Variants in KNTC1 observed in about 807,000 individuals in gnomAD.
KNTC1 encodes kinetochore associated 1.
A neutral mutation model predicts 314.4 loss-of-function variants in KNTC1; 253 were observed. The ratio of observed to expected loss-of-function variants is 0.80; its 90% CI spans 0.73 to 0.89. The LOEUF is 0.89. Among genes scored for constraint, KNTC1 ranks in the 40% least tolerant of loss-of-function variants. The probability of loss-of-function intolerance (pLI) is 0.00; values close to 1 mark genes in which losing one functional copy is unlikely to be tolerated. For missense variants in KNTC1, 2,475 were observed against 2,572.9 expected, an observed-to-expected ratio of 0.96 and a Z score of 0.82; for synonymous variants, 901 against 901.4, an observed-to-expected ratio of 1.00 and a Z score of 0.01.
chr12:122,585,335 C>T (rs1448993129), intron 36 of KNTC1, among the ~76,000 whole-genome samples: 2 of 152,156 alleles, frequency 1.3e-5, no homozygotes, highest in African/African-American at 4.8e-5. Flanking sequence ...AGCCACTGCA[C>T]CTGGGCCGTT....
chr12:122,567,596 T>C (rs1964430186), intron 20 of KNTC1, among the ~76,000 whole-genome samples: 1 of 152,090 alleles, frequency 6.6e-6, no homozygotes, highest in African/African-American at 2.4e-5. Context: ...CGCAACACTT[T>C]GGGAGGCTGA....
At chr12:122,540,045 A>C (rs1158593105) in intron 5 of KNTC1, among the ~76,000 whole-genome samples, 2 of 151,872 alleles carry the variant, frequency 1.3e-5, no homozygotes, top group Non-Finnish European at 2.9e-5. Flanking sequence ...CGGCCTCCCA[A>C]AGTGCTGGGA....
In KNTC1 at chr12:122,591,515, CAA is replaced by C. The variant is rs1195499460; in HGVS notation, c.4245+64_4245+65del. On this transcript the variant is annotated intron_variant, in intron 42 of 63. Coordinates refer to ENST00000333479, the MANE Select transcript of KNTC1 (RefSeq NM_014708.6). ...AATTACCCGGTTGGAAAATTTAAAA[CAA>C]AGATTCTGTTGTTCTTTACTTTTGG... 11 of 879,120 alleles carry C rather than the reference CAA, an allele frequency of 1.3e-5. No individual in the cohort carries two copies. In the African/African-American group the frequency reaches 1.8e-4, roughly 15 times the overall value. 54.5% of individuals were successfully genotyped at this position (879,120 alleles called of 1,614,324 possible).
rs1026332497 is a variant in KNTC1 at position 122,587,606 on chromosome 12, A to G, written c.3731-105A>G. Reference sequence around the variant, plus strand: ...CTAACTGAGAACAAACTCCATGACTATTATCTGTATTGAAGAAGCAGGCTG... The same window carrying G: ...CTAACTGAGAACAAACTCCATGACTGTTATCTGTATTGAAGAAGCAGGCTG... On this transcript the variant is annotated intron_variant, in intron 38 of 63. Transcript: ENST00000333479. The G allele has an allele frequency of 3.4e-5, 28 of 834,440 alleles. No homozygotes were observed. In the African/African-American group the frequency reaches 4.7e-4, roughly 14 times the overall value. The allele number at this position is 834,440 out of a possible 1,614,324, so 51.7% of individuals were successfully genotyped here. A position where few individuals can be genotyped will look rare whatever the true frequency, so the allele number is the denominator to read the frequency against.
chr12:122,620,740 G>T (rs1874339763), intron 60 of KNTC1, 132 bp downstream of exon 60: 1 of 904,716 alleles, frequency 1.1e-6, no homozygotes, highest in Admixed American at 2.8e-5. Flanking sequence ...TGTGAAGCTT[G>T]TATGGGGGCT....
intron 34 of KNTC1, 61 bp from the exon 35 acceptor site, chr12:122,584,217 A>G: frequency 8.7e-7 from 1 of 1,153,522 alleles, no homozygotes; most frequent in Non-Finnish European, 1.3e-6. Flanking sequence ...AATCCAAGAA[A>G]GGCCATGCGT....
At chr12:122,543,115 G>A (rs1300241848) in intron 6 of KNTC1, among the ~76,000 whole-genome samples, 1 of 152,106 alleles carries the variant, frequency 6.6e-6, no homozygotes, top group Non-Finnish European at 1.5e-5. Context: ...GTTTCACCAT[G>A]TTGGCCAGGC....
chr12:122,550,775 T>C (rs1397929532), intron 13 of KNTC1, among the ~76,000 whole-genome samples: 1 of 152,216 alleles, frequency 6.6e-6, no homozygotes, highest in East Asian at 1.9e-4. Context: ...ATTGTTAATA[T>C]TACATGTGTG....
intron 18 of KNTC1, among the ~76,000 whole-genome samples, chr12:122,560,385 T>C (rs998647319): frequency 3.9e-5 from 6 of 152,140 alleles, no homozygotes; most frequent in African/African-American, 1.4e-4. Context: ...TTCTGTTTTT[T>C]TGAGACAGAG....
In KNTC1 at chr12:122,605,329, A is replaced by G. The variant is rs761745919; in HGVS notation, c.5410A>G (p.Ile1804Val). Residue 1804 changes from isoleucine to valine, a missense_variant, in exon 51 of 64, where the codon ATA (isoleucine) becomes GTA (valine). By Grantham distance (29) the Ile-to-Val change is conservative. Coordinates refer to ENST00000333479, the MANE Select transcript of KNTC1 (RefSeq NM_014708.6). ...AGATATTCATGCAGCAGCTAAAGAA[A>G]TAGCCGAAGTCAATGAAATTAATTT... Reference protein sequence around the residue: ...YPDIHAAAKEIAEVNEINLEK... With the variant: ...YPDIHAAAKEVAEVNEINLEK... The G allele has an allele frequency of 4.1e-5, 65 of 1,601,152 alleles. No individual in the cohort carries two copies. The Admixed American group carries it at 8.7e-4, about 22-fold the overall frequency.
intron 24 of KNTC1, among the ~76,000 whole-genome samples, 190 bp downstream of exon 24, chr12:122,571,316 G>A (rs1845580346): frequency 6.6e-6 from 1 of 151,568 alleles, no homozygotes; most frequent in Admixed American, 6.6e-5. Context: ...TCTGATTTGT[G>A]TTAAAACTTC....
Position 122,542,147 on chromosome 12 carries a change from TTTA to T in KNTC1, c.523+26_523+28del, listed in dbSNP as rs1226548093. On this transcript the variant is annotated intron_variant, in intron 6 of 63. Transcript: ENST00000333479. The stretch of plus-strand genomic sequence containing the variant: ...AACAAGGTAAGTAATACATTATATT[TTTA>T]TTATTGATTTGCAGCAATATTTACT... 6.5e-6 allele frequency: 9 copies of T among 1,385,282 alleles called. No homozygotes were observed. Among genetic ancestry groups the T allele is most frequent in the African/African-American group, 2.9e-5 (2 of 68,416 alleles). 85.8% of individuals were successfully genotyped at this position (1,385,282 alleles called of 1,614,324 possible). A position where few individuals can be genotyped will look rare whatever the true frequency, so the allele number is the denominator to read the frequency against.
chr12:122,591,264 C>G (rs981440281), intron 41 of KNTC1, 73 bp from the exon 42 acceptor site: 16 of 795,866 alleles, frequency 2.0e-5, no homozygotes, highest in Non-Finnish European at 3.4e-5. Flanking sequence ...TTTATTGTTG[C>G]GTTTCGTCTA....
At chr12:122,625,674 A>T (rs150363907) in intron 63 of KNTC1, among the ~76,000 whole-genome samples, 2 of 152,144 alleles carry the variant, frequency 1.3e-5, no homozygotes, top group Non-Finnish European at 2.9e-5. Context: ...AAATCTCACT[A>T]CCCAGACATA....
intron 44 of KNTC1, among the ~76,000 whole-genome samples, chr12:122,599,422 G>A (rs1239507482): frequency 6.6e-6 from 1 of 151,762 alleles, no homozygotes; most frequent in East Asian, 1.9e-4. Context: ...GTCTAATGGC[G>A]CAGTCTCGGC....
chr12:122,551,940 C>G (rs578102886), intron 16 of KNTC1, among the ~76,000 whole-genome samples: 2 of 151,498 alleles, frequency 1.3e-5, no homozygotes, highest in South Asian at 4.2e-4. Context: ...TGGAGTCTTA[C>G]TCTGTTGCCC....
intron 42 of KNTC1, chr12:122,594,071 G>C: frequency 1.9e-6 from 1 of 529,000 alleles, no homozygotes; most frequent in Non-Finnish European, 3.4e-6. Flanking sequence ...GCAATGGTTA[G>C]GATGACTAAG....
At chr12:122,557,833 G>A (rs1963702806) in intron 18 of KNTC1, 144 bp downstream of exon 18, 1 of 617,668 alleles carries the variant, frequency 1.6e-6, no homozygotes, top group African/African-American at 1.8e-5. Context: ...GCTTAATGGA[G>A]ATAATTCACA....
chr12:122,605,127 A>G (rs1272613353), intron 50 of KNTC1, 40 bp downstream of exon 50: 13 of 1,522,354 alleles, frequency 8.5e-6, no homozygotes, highest in Admixed American at 1.9e-5. Flanking sequence ...AAGAAAAGCT[A>G]TTATTTTGAT....
Sources: allele counts gnomAD v4.1 joint callset (sites outside exome capture counted in the v4.1 genomes callset), GRCh38; gene constraint gnomAD v4.1.1; transcripts MANE v1.5; gene names NCBI Gene and HGNC (gene_info 2026-07-23, HGNC 2026-07-21).